GABBR2: variants seen among roughly 807,000 people sequenced by gnomAD.
The protein encoded by GABBR2 is G-protein coupled receptor 51.
GABBR2 carries 23 observed loss-of-function variants against 105.6 expected under a neutral mutation model. That is an observed-to-expected ratio of 0.22 (90% confidence interval 0.16 to 0.31). The LOEUF (loss-of-function observed/expected upper bound fraction) is 0.31. Ranked by LOEUF, GABBR2 falls within the 10% of genes least tolerant of loss-of-function variation. The probability of loss-of-function intolerance (pLI) is 1.00; values close to 1 mark genes in which losing one functional copy is unlikely to be tolerated. For missense variants in GABBR2, 734 were observed against 1,245.5 expected (o/e 0.59, Z 6.18); for synonymous variants, 478 against 499.7 (o/e 0.96, Z 0.58).
At chr9:98,425,504 T>C (rs1825664331) in intron 7 of GABBR2, among the ~76,000 whole-genome samples, 1 of 152,316 alleles carries the variant, frequency 6.6e-6, no homozygotes, top group East Asian at 1.9e-4. Flanking sequence ...GGCCACGCAC[T>C]GTGCTGGGCT....
chr9:98,294,310 A>G (rs1395956959), intron 17 of GABBR2, among the ~76,000 whole-genome samples: 3 of 152,204 alleles, frequency 2.0e-5, no homozygotes, highest in African/African-American at 7.2e-5. Flanking sequence ...TTGCAAAGAA[A>G]AAGAATAGTC....
At chr9:98,481,587 G>A (rs539189084) in intron 4 of GABBR2, among the ~76,000 whole-genome samples, 20 of 152,182 alleles carry the variant, frequency 1.3e-4, no homozygotes, top group Non-Finnish European at 2.6e-4. Context: ...AGCTTTGTTC[G>A]CATCTCAGCT....
intron 13 of GABBR2, among the ~76,000 whole-genome samples, chr9:98,331,790 A>C (rs969439096): frequency 6.6e-6 from 1 of 152,202 alleles, no homozygotes; most frequent in Admixed American, 6.5e-5. Flanking sequence ...GAGCATGAGA[A>C]GGCACATGGG....
intron 13 of GABBR2, among the ~76,000 whole-genome samples, chr9:98,352,660 C>G (rs981997867): frequency 6.6e-6 from 1 of 151,954 alleles, no homozygotes; most frequent in Non-Finnish European, 1.5e-5. Flanking sequence ...GCATGAGGGT[C>G]CTGCTGCTGG....
At chr9:98,648,642 T>C (rs1247386592) in intron 1 of GABBR2, among the ~76,000 whole-genome samples, 1 of 152,184 alleles carries the variant, frequency 6.6e-6, no homozygotes, top group Non-Finnish European at 1.5e-5. Context: ...GGGTCTGGAC[T>C]AGATCAGGGG....
At chr9:98,465,515 C>G (rs927491359) in intron 6 of GABBR2, among the ~76,000 whole-genome samples, 24 of 152,162 alleles carry the variant, frequency 1.6e-4, no homozygotes, top group Non-Finnish European at 8.8e-5. Flanking sequence ...TTAAAACACA[C>G]CAGTTAAAGG....
chr9:98,665,774 C>T lies in GABBR2; in HGVS notation c.321+42643G>A, dbSNP rs565705579. 1.1e-4 allele frequency among the ~76,000 whole-genome samples: 17 copies of T among 152,332 alleles called. No individual in the cohort carries two copies. The South Asian group carries it at 2.5e-3, about 22-fold the overall frequency. On this transcript the variant is annotated intron_variant, in intron 1 of 18. Coordinates refer to ENST00000259455, the MANE Select transcript of GABBR2 (RefSeq NM_005458.8). Reference sequence around the variant, plus strand: ...AGGGCGGATCTAACTTCTCACATTGCTGAACGTCCAACCTGCCAGCAACAA... The same window carrying T: ...AGGGCGGATCTAACTTCTCACATTGTTGAACGTCCAACCTGCCAGCAACAA...
chr9:98,642,448 G>T (rs1405095544), intron 1 of GABBR2, among the ~76,000 whole-genome samples: 1 of 152,208 alleles, frequency 6.6e-6, no homozygotes, highest in East Asian at 1.9e-4. Context: ...TTGCATCTCA[G>T]CTAGGAATTT....
intron 3 of GABBR2, among the ~76,000 whole-genome samples, chr9:98,524,330 G>A (rs1334571393): frequency 6.6e-6 from 1 of 152,088 alleles, no homozygotes; most frequent in Non-Finnish European, 1.5e-5. Context: ...AACTAAACCT[G>A]ACAAAGACAG....
chr9:98,408,875 C>T (rs1475689449), intron 7 of GABBR2, among the ~76,000 whole-genome samples: 1 of 152,196 alleles, frequency 6.6e-6, no homozygotes, highest in African/African-American at 2.4e-5. Context: ...GCAGCCTCCA[C>T]CTTCTGGGTT....
At chr9:98,688,605 T>C (rs2131876592) in intron 1 of GABBR2, among the ~76,000 whole-genome samples, 1 of 152,322 alleles carries the variant, frequency 6.6e-6, no homozygotes, top group East Asian at 1.9e-4. Context: ...CTCCCTGATC[T>C]AATCAGCCTA....
chr9:98,686,712 CT>C (rs1248150872), intron 1 of GABBR2, among the ~76,000 whole-genome samples: 7 of 152,070 alleles, frequency 4.6e-5, no homozygotes, highest in Non-Finnish European at 1.0e-4. Context: ...CTATTTTTAC[CT>C]TTTTAACTTC....
chr9:98,542,373 T>A (rs1588220267), intron 2 of GABBR2, among the ~76,000 whole-genome samples: 1 of 152,226 alleles, frequency 6.6e-6, no homozygotes, highest in South Asian at 2.1e-4. Flanking sequence ...TCATTCTACA[T>A]GCACAATTGA....
intron 13 of GABBR2, among the ~76,000 whole-genome samples, chr9:98,335,492 C>T (rs1034367308): frequency 6.6e-6 from 1 of 152,172 alleles, no homozygotes; most frequent in African/African-American, 2.4e-5. Context: ...ACTCCGGCTG[C>T]ACACCAGAAC....
intron 1 of GABBR2, among the ~76,000 whole-genome samples, chr9:98,627,724 T>TCCCCCAAG (rs1829760010): frequency 6.6e-6 from 1 of 152,202 alleles, no homozygotes; most frequent in Admixed American, 6.5e-5. Flanking sequence ...ATGGCCATTC[T>TCCCCCAAG]CCTCGGTGTC....
chr9:98,632,232 AG>A (rs1829824696), intron 1 of GABBR2, among the ~76,000 whole-genome samples: 1 of 152,210 alleles, frequency 6.6e-6, no homozygotes, highest in East Asian at 1.9e-4. Flanking sequence ...GTGTGACTTT[AG>A]GCAAGCTCCT....
intron 4 of GABBR2, among the ~76,000 whole-genome samples, chr9:98,490,994 G>A (rs907020350): frequency 1.3e-5 from 2 of 148,582 alleles, no homozygotes; most frequent in South Asian, 2.1e-4. Context: ...CTGTGCTCTT[G>A]CCTTTTTTTT....
chr9:98,607,926 A>T, intron 1 of GABBR2: 1 of 1,440,696 alleles, frequency 6.9e-7, no homozygotes, highest in Non-Finnish European at 9.6e-7. Context: ...TCAAAGAAAA[A>T]GTTCAAAACT....
At chr9:98,406,171 GAAT>G in intron 7 of GABBR2, 30 bp from the exon 8 acceptor site, 1 of 1,402,940 alleles carries the variant, frequency 7.1e-7, no homozygotes, top group South Asian at 1.3e-5. Context: ...AATCAAACAA[GAAT>G]AAAAGAGAAA....
Sources: allele counts gnomAD v4.1 joint callset (sites outside exome capture counted in the v4.1 genomes callset), GRCh38; gene constraint gnomAD v4.1.1; transcripts MANE v1.5; gene names NCBI Gene and HGNC (gene_info 2026-07-23, HGNC 2026-07-21).